Variants in GPATCH8 observed in about 807,000 individuals in gnomAD.
GPATCH8 encodes G-patch domain containing 8.
In GPATCH8, 18 loss-of-function variants were observed where a neutral mutation model predicts 118.3. The ratio of observed to expected loss-of-function variants is 0.15; its 90% CI spans 0.11 to 0.23. The LOEUF is 0.23. GPATCH8 is among the 10% of genes least tolerant of loss of function. The pLI is 1.00. For synonymous variants in GPATCH8, 659 were observed against 684.7 expected (o/e 0.96, Z 0.59); for missense variants, 1,631 against 1,873.8 (o/e 0.87, Z 2.39).
chr17:44,401,031 G>C lies in GPATCH8; in HGVS notation c.1046C>G (p.Ser349Cys). ...SDQGLQKVGD[S>C]DGSSNLDGKK... ...ACCATCAAGATTACTGCTCCCATCAGAGTCTCCTACCTTCTGCAGTCCTTG... is the reference window on the plus strand; with the variant it reads ...ACCATCAAGATTACTGCTCCCATCACAGTCTCCTACCTTCTGCAGTCCTTG... Residue 349 changes from serine to cysteine, a missense_variant, in exon 8 of 8, where the codon TCT (serine) becomes TGT (cysteine). Around this residue, in one of 8 missense-constraint regions of GPATCH8, gnomAD observed 405 missense variants for 462.7 expected, o/e 0.88. Coordinates refer to ENST00000591680, the MANE Select transcript of GPATCH8 (RefSeq NM_001002909.4). 1 of 1,614,082 alleles carries C rather than the reference G, an allele frequency of 6.2e-7. No homozygotes were observed. The highest frequency in any genetic ancestry group is 8.5e-7 in the Non-Finnish European group (1 of 1,179,986).
intron 1 of GPATCH8, among the ~76,000 whole-genome samples, chr17:44,500,397 TAA>T (rs1969971585): frequency 6.6e-6 from 1 of 152,206 alleles, no homozygotes; most frequent in Non-Finnish European, 1.5e-5. Flanking sequence ...GTTATTATAA[TAA>T]AGTTACCAAT....
At chr17:44,418,323 A>G (rs1370454801) in intron 6 of GPATCH8, among the ~76,000 whole-genome samples, 1 of 152,248 alleles carries the variant, frequency 6.6e-6, no homozygotes, top group Non-Finnish European at 1.5e-5. Context: ...CATATCCATC[A>G]GCAGACAAAT....
chr17:44,445,651 T>A (rs990892381), intron 3 of GPATCH8: 2 of 151,926 alleles, frequency 1.3e-5, no homozygotes, highest in African/African-American at 2.4e-5. Context: ...GGATTACAGG[T>A]GCCCGCCACC....
At position 44,401,365 on chromosome 17, in the gene GPATCH8, T is replaced by C. The variant is rs1378792278; in HGVS notation, c.712A>G (p.Asn238Asp). Reference sequence around the variant, plus strand: ...GAAGCAGTGGCACCTGTGCCACTATTTGTAGCTGATTCATCTTTATCATCT... The same window carrying C: ...GAAGCAGTGGCACCTGTGCCACTATCTGTAGCTGATTCATCTTTATCATCT... The part of the protein sequence containing the change: ...GEDDKDESAT[N>D]SGTGATASCG... Residue 238 changes from asparagine to aspartate, a missense_variant, in exon 8 of 8, where the codon AAT (asparagine) becomes GAT (aspartate). Physicochemically the swap from Asn to Asp is conservative, Grantham distance 23. Around this residue, in one of 8 missense-constraint regions of GPATCH8, gnomAD observed 405 missense variants for 462.7 expected, o/e 0.88. Coordinates refer to ENST00000591680, the MANE Select transcript of GPATCH8 (RefSeq NM_001002909.4). 4 of 1,612,970 alleles carry C rather than the reference T, an allele frequency of 2.5e-6. No homozygotes were observed. The African/African-American group carries it at 4.0e-5, about 16-fold the overall frequency.
At chr17:44,405,209 CTTT>C (rs542901574) in intron 7 of GPATCH8, among the ~76,000 whole-genome samples, 7 of 137,998 alleles carry the variant, frequency 5.1e-5, no homozygotes, top group African/African-American at 5.3e-5. Flanking sequence ...GTTTATAATT[CTTT>C]TTTTTTTTTT....
At chr17:44,464,163 C>T (rs149125713) in intron 3 of GPATCH8, among the ~76,000 whole-genome samples, 1 of 152,190 alleles carries the variant, frequency 6.6e-6, no homozygotes, top group African/African-American at 2.4e-5. Flanking sequence ...TGATATTTTG[C>T]ATTCCTTTTA....
chr17:44,396,407 C>T lies in GPATCH8; in HGVS notation c.*1161G>A, dbSNP rs1388468940. 1 of 454,394 alleles carries T rather than the reference C, an allele frequency of 2.2e-6. No individual in the cohort carries two copies. The highest frequency in any genetic ancestry group is 1.6e-5 in the South Asian group (1 of 64,476). The allele number at this position is 454,394 out of a possible 1,614,324, so 28.1% of individuals were successfully genotyped here. On this transcript the variant is annotated 3_prime_UTR_variant, in exon 8 of 8. Transcript: ENST00000591680. The stretch of plus-strand genomic sequence containing the variant: ...CCCCCAGCTGACTGCTGCCCATTAG[C>T]TCAAAAATCCCAATACTGGGGGCAC...
chr17:44,458,258 A>T (rs74345294), intron 3 of GPATCH8, among the ~76,000 whole-genome samples: 3 of 150,004 alleles, frequency 2.0e-5, no homozygotes, highest in Non-Finnish European at 4.4e-5. Context: ...CTCAAAGGAA[A>T]AAAAAAAAAA....
chr17:44,492,527 T>C (rs1280863238), intron 1 of GPATCH8, among the ~76,000 whole-genome samples: 1 of 151,370 alleles, frequency 6.6e-6, no homozygotes, highest in Non-Finnish European at 1.5e-5. Flanking sequence ...AGCCGAGATG[T>C]AGTCACTACA....
chr17:44,435,203 T>A (rs2050456554), intron 4 of GPATCH8, 52 bp from the exon 5 acceptor site: 1 of 864,404 alleles, frequency 1.2e-6, no homozygotes, highest in Non-Finnish European at 2.0e-6. Context: ...CCCCCAAGAT[T>A]AGCTATGAAA....
intron 1 of GPATCH8, among the ~76,000 whole-genome samples, chr17:44,502,872 A>G (rs1267071687): frequency 1.3e-5 from 2 of 152,350 alleles, no homozygotes; most frequent in Admixed American, 6.5e-5. Flanking sequence ...CACAGTGAAG[A>G]AAGAAAAGAG....
chr17:44,407,580 C>T (rs752459388), intron 6 of GPATCH8, among the ~76,000 whole-genome samples: 1 of 152,002 alleles, frequency 6.6e-6, no homozygotes, highest in Non-Finnish European at 1.5e-5. Context: ...AAAAGCAGTC[C>T]TGTTTCCATT....
intron 4 of GPATCH8, 36 bp from the exon 5 acceptor site, chr17:44,435,187 A>G (rs375704159): frequency 3.2e-6 from 3 of 925,870 alleles, no homozygotes; most frequent in African/African-American, 1.6e-5. Flanking sequence ...TTTAATTCCT[A>G]AAGTACCCCC....
chr17:44,469,034 G>C (rs1397041666), intron 2 of GPATCH8, among the ~76,000 whole-genome samples: 1 of 152,122 alleles, frequency 6.6e-6, no homozygotes, highest in Non-Finnish European at 1.5e-5. Flanking sequence ...AAACCATGTA[G>C]CTAAACTGAA....
At chr17:44,430,094 C>T (rs1459637623) in intron 5 of GPATCH8, among the ~76,000 whole-genome samples, 1 of 140,624 alleles carries the variant, frequency 7.1e-6, no homozygotes, top group Non-Finnish European at 1.5e-5. Flanking sequence ...CCACCCACTA[C>T]ATAAAACTAA....
At chr17:44,431,682 T>C (rs1288725717) in intron 5 of GPATCH8, among the ~76,000 whole-genome samples, 2 of 151,470 alleles carry the variant, frequency 1.3e-5, no homozygotes, top group Non-Finnish European at 2.9e-5. Flanking sequence ...AATTAAAAAA[T>C]AAAAATGGGA....
intron 1 of GPATCH8, among the ~76,000 whole-genome samples, chr17:44,499,719 T>C (rs1217567011): frequency 2.0e-5 from 3 of 152,192 alleles, no homozygotes; most frequent in African/African-American, 7.2e-5. Context: ...AAGTTATACA[T>C]TTTCCATTAG....
chr17:44,474,253 T>C (rs1388579617), intron 2 of GPATCH8, among the ~76,000 whole-genome samples: 1 of 152,194 alleles, frequency 6.6e-6, no homozygotes, highest in African/African-American at 2.4e-5. Flanking sequence ...CCTTGTTCTA[T>C]TGCTTGATAT....
chr17:44,457,701 A>G (rs1206361792), intron 3 of GPATCH8, among the ~76,000 whole-genome samples: 1 of 152,206 alleles, frequency 6.6e-6, no homozygotes, highest in Non-Finnish European at 1.5e-5. Flanking sequence ...TGGGAGTCCA[A>G]GGTGGGAGGA....
Sources: gnomAD v4.1 joint callset for allele counts (sites outside exome capture counted in the v4.1 genomes callset) on GRCh38, gnomAD v4.1.1 for gene constraint, gnomAD v4.1.1 regional missense constraint, MANE v1.5 for transcripts, NCBI Gene and HGNC (gene_info 2026-07-23, HGNC 2026-07-21) for gene names.